The following NR3C1 variants were observed in gnomAD, a reference collection of about 807,000 sequenced individuals.
NR3C1 encodes the protein nuclear receptor subfamily 3 group C member 1, also known as glucocorticoid receptor.
NR3C1 carries 14 observed loss-of-function variants against 74.0 expected under a neutral mutation model. That is an observed-to-expected ratio of 0.19 (90% confidence interval 0.12 to 0.30). NR3C1 has a LOEUF of 0.30. Among genes scored for constraint, NR3C1 ranks in the 10% least tolerant of loss-of-function variants. The pLI is 1.00. For missense variants in NR3C1, 695 were observed against 909.8 expected (o/e 0.76, Z 3.04); for synonymous variants, 308 against 332.5 (o/e 0.93, Z 0.80).
intron 2 of NR3C1, among the ~76,000 whole-genome samples, chr5:143,372,223 A>G (rs1834354539): frequency 6.6e-6 from 1 of 152,168 alleles, no homozygotes; most frequent in African/African-American, 2.4e-5. Context: ...ATAAGTCTAG[A>G]ATTTTCATCT....
chr5:143,413,139 C>T (rs149482341), intron 1 of NR3C1, among the ~76,000 whole-genome samples: 20 of 152,144 alleles, frequency 1.3e-4, no homozygotes, highest in Non-Finnish European at 2.4e-4. Context: ...GATACGGTTA[C>T]AAGTCATTAT....
chr5:143,295,162 C>G, intron 7 of NR3C1: 1 of 985,328 alleles, frequency 1.0e-6, no homozygotes, highest in South Asian at 4.7e-5. Flanking sequence ...TTTTCCATGT[C>G]TTCCCATGAT....
In NR3C1 at chr5:143,300,682, T is replaced by C; in HGVS notation, c.1550A>G (p.Asn517Ser). 6.2e-7 allele frequency: 1 copy of C among 1,614,188 alleles called. No homozygotes were observed. The highest frequency in any genetic ancestry group is 8.5e-7 in the Non-Finnish European group (1 of 1,180,026). The change falls in exon 5 of 9, where the codon AAC becomes AGC. Residue 517 changes from asparagine (N) to serine (S), a missense_variant. Physicochemically the swap from Asn to Ser is conservative, Grantham distance 46. Coordinates refer to ENST00000394464, the MANE Select transcript of NR3C1 (RefSeq NM_000176.3). The surrounding 1 kb of genome is among the most constrained non-coding windows in gnomAD (Gnocchi z 5.2). ...TAACGTTGCAGGAACTATTGTTTTGTTACCAGGATTTTCAGAGGTTTCTTG... is the reference window on the plus strand; with the variant it reads ...TAACGTTGCAGGAACTATTGTTTTGCTACCAGGATTTTCAGAGGTTTCTTG... ...VSQETSENPG[N>S]KTIVPATLPQ...
chr5:143,401,894 T>TCTCAG (rs1318279879), intron 1 of NR3C1, among the ~76,000 whole-genome samples: 1 of 152,242 alleles, frequency 6.6e-6, no homozygotes, highest in African/African-American at 2.4e-5. Context: ...CTATCCCAAT[T>TCTCAG]CTCAGCCTAT....
intron 2 of NR3C1, among the ~76,000 whole-genome samples, chr5:143,327,683 C>T (rs1824942353): frequency 6.6e-6 from 1 of 152,228 alleles, no homozygotes; most frequent in Non-Finnish European, 1.5e-5. Flanking sequence ...GCCACAGGCC[C>T]CATGAAATCT....
chr5:143,390,920 TG>T (rs1838111271), intron 2 of NR3C1, among the ~76,000 whole-genome samples: 1 of 152,170 alleles, frequency 6.6e-6, no homozygotes, highest in Non-Finnish European at 1.5e-5. Flanking sequence ...GTTACTATAG[TG>T]CAATGAGTCC....
At chr5:143,421,915 G>T (rs13182800) in intron 1 of NR3C1, among the ~76,000 whole-genome samples, 27,588 of 152,092 alleles carry the variant, frequency 0.18, 2,701 homozygotes, top group Middle Eastern at 0.35. Context: ...TGATATGGAC[G>T]TGGTGGAAGT....
At position 143,278,882 on chromosome 5, in the gene NR3C1, C is replaced by T. The variant is rs981395336; in HGVS notation, c.*3007G>A. ...TATCCAGCACTTCATAGACACAAATCATGTTAGTTTTCCTTTTGGGGTGGC... is the reference window on the plus strand; with the variant it reads ...TATCCAGCACTTCATAGACACAAATTATGTTAGTTTTCCTTTTGGGGTGGC... On this transcript the variant is annotated 3_prime_UTR_variant, in exon 9 of 9. Coordinates refer to ENST00000394464, the MANE Select transcript of NR3C1 (RefSeq NM_000176.3). The T allele has an allele frequency of 6.4e-6, 1 of 156,096 alleles. No individual in the cohort carries two copies. The allele number at this position is 156,096 out of a possible 1,614,324, so 9.7% of individuals were successfully genotyped here.
intron 2 of NR3C1, among the ~76,000 whole-genome samples, chr5:143,329,475 G>C (rs1034207474): frequency 5.9e-5 from 9 of 152,154 alleles, no homozygotes; most frequent in African/African-American, 2.2e-4. Flanking sequence ...AGAAATGTTA[G>C]AGAATTGGTC....
At chr5:143,284,156 T>G (rs543391892) in intron 7 of NR3C1, among the ~76,000 whole-genome samples, 1 of 152,098 alleles carries the variant, frequency 6.6e-6, no homozygotes, top group Non-Finnish European at 1.5e-5. Context: ...CTCAGCTCAC[T>G]GCCACTTCCG....
At chr5:143,301,203 G>A (rs190374321) in intron 4 of NR3C1, among the ~76,000 whole-genome samples, 3 of 151,966 alleles carry the variant, frequency 2.0e-5, no homozygotes, top group African/African-American at 7.3e-5. Flanking sequence ...ACAAACTGTG[G>A]TTTAAGATTA....
At chr5:143,415,393 A>T (rs1600670479) in intron 1 of NR3C1, among the ~76,000 whole-genome samples, 1 of 152,192 alleles carries the variant, frequency 6.6e-6, no homozygotes, top group African/African-American at 2.4e-5. Context: ...AACGATTACA[A>T]AATTACAGCT....
chr5:143,374,768 G>A (rs1360499454), intron 2 of NR3C1, among the ~76,000 whole-genome samples: 2 of 152,094 alleles, frequency 1.3e-5, no homozygotes, highest in East Asian at 1.9e-4. Flanking sequence ...ACGCTCAGCA[G>A]CTGTACTTGA....
chr5:143,389,875 T>G lies in NR3C1; in HGVS notation c.1184+9781A>C, dbSNP rs560821253. 8.6e-5 allele frequency: 76 copies of G among 886,528 alleles called. No homozygotes were observed. In the African/African-American group the frequency reaches 1.4e-3, roughly 16 times the overall value. 54.9% of individuals were successfully genotyped at this position (886,528 alleles called of 1,614,324 possible). A position where few individuals can be genotyped will look rare whatever the true frequency, so the allele number is the denominator to read the frequency against. On this transcript the variant is annotated intron_variant, in intron 2 of 8. Transcript: ENST00000394464. ...AGAAAACCTGTTAGCAGTAAAACATTACCTGCCATGCTAGGATGGCTCTTC... is the reference window on the plus strand; with the variant it reads ...AGAAAACCTGTTAGCAGTAAAACATGACCTGCCATGCTAGGATGGCTCTTC...
intron 2 of NR3C1, among the ~76,000 whole-genome samples, chr5:143,356,681 T>C (rs971927992): frequency 1.8e-5 from 2 of 108,660 alleles, no homozygotes; most frequent in Non-Finnish European, 3.7e-5. Flanking sequence ...TCACAATTTG[T>C]ATTTCTCAAA....
In NR3C1 at chr5:143,380,235, G is replaced by A. The variant is rs10045381; in HGVS notation, c.1184+19421C>T. 4.4e-3 allele frequency among the ~76,000 whole-genome samples: 672 copies of A among 152,270 alleles called. 2 individuals are homozygous for A. The highest frequency in any genetic ancestry group is 0.015 in the African/African-American group (640 of 41,554). ...TAATTATTTGACTTAAATTTGCAAAGTAAGACTGAAAAATAAGACCTGATC... is the reference window on the plus strand; with the variant it reads ...TAATTATTTGACTTAAATTTGCAAAATAAGACTGAAAAATAAGACCTGATC... On this transcript the variant is annotated intron_variant, in intron 2 of 8. Coordinates refer to ENST00000394464, the MANE Select transcript of NR3C1 (RefSeq NM_000176.3).
chr5:143,300,257 A>G lies in NR3C1; in HGVS notation c.1747+228T>C, dbSNP rs1332518342. Among the ~76,000 whole-genome samples, 3 of 152,312 alleles carry G rather than the reference A, an allele frequency of 2.0e-5. No homozygotes were observed. The highest frequency in any genetic ancestry group is 7.2e-5 in the African/African-American group (3 of 41,560). The stretch of plus-strand genomic sequence containing the variant: ...TTGAATTCTGATATTACATCATCCT[A>G]TGTGAAATTACCATCCTGTGCATAA... On this transcript the variant is annotated intron_variant, in intron 5 of 8. Coordinates refer to ENST00000394464, the MANE Select transcript of NR3C1 (RefSeq NM_000176.3). This position sits in a 1 kb window ranked among gnomAD's most constrained non-coding sequence, Gnocchi z 5.2.
chr5:143,282,059 G>C lies in NR3C1; in HGVS notation c.2182-18C>G. The C allele has an allele frequency of 2.5e-6, 4 of 1,613,204 alleles. No individual in the cohort carries two copies. ...TCAACCACCTGCAAGAGAAGATATG[G>C]TAATGATCAGGCTTCCAAATTGGTC... On this transcript the variant is annotated intron_variant, in intron 8 of 8. Coordinates refer to ENST00000394464, the MANE Select transcript of NR3C1 (RefSeq NM_000176.3).
intron 1 of NR3C1, among the ~76,000 whole-genome samples, chr5:143,428,650 G>C (rs1374808780): frequency 6.6e-6 from 1 of 152,174 alleles, no homozygotes; most frequent in African/African-American, 2.4e-5. Flanking sequence ...GCAATGGCAG[G>C]CTTGGGTGGT....
Sources: gnomAD v4.1 joint callset for allele counts (sites outside exome capture counted in the v4.1 genomes callset) on GRCh38, gnomAD v4.1.1 for gene constraint, Gnocchi (gnomAD v3.1) non-coding constraint, MANE v1.5 for transcripts, NCBI Gene and HGNC (gene_info 2026-07-23, HGNC 2026-07-21) for gene names.